Variants in SLC9A8 observed in about 807,000 individuals in gnomAD.
SLC9A8 encodes sodium/hydrogen exchanger 8.
A neutral mutation model predicts 66.6 loss-of-function variants in SLC9A8; 48 were observed. The ratio of observed to expected loss-of-function variants is 0.72; its 90% CI spans 0.57 to 0.92. The LOEUF is 0.92. SLC9A8 is among the 40% of genes least tolerant of loss of function. The pLI is 0.00. For missense variants in SLC9A8, 599 were observed against 747.3 expected, an observed-to-expected ratio of 0.80 and a Z score of 2.31; for synonymous variants, 274 against 282.6, an observed-to-expected ratio of 0.97 and a Z score of 0.31.
chr20:49,869,062 C>G (rs760545686), intron 10 of SLC9A8, among the ~76,000 whole-genome samples: 2 of 152,132 alleles, frequency 1.3e-5, no homozygotes, highest in African/African-American at 2.4e-5. Context: ...ACTAAAGATT[C>G]AAAGATGAAT....
At chr20:49,863,095 G>A in intron 9 of SLC9A8, 28 bp downstream of exon 9, 1 of 1,575,540 alleles carries the variant, frequency 6.3e-7, no homozygotes, top group African/African-American at 1.4e-5. Context: ...TGAACATGCA[G>A]GGTTAAAATT....
intron 3 of SLC9A8, chr20:49,830,560 C>CG: frequency 1.6e-6 from 1 of 618,552 alleles, no homozygotes; most frequent in Non-Finnish European, 2.9e-6. Context: ...GCGTCCAGGT[C>CG]GGGGGGTCGC....
chr20:49,864,313 A>G (rs2088874133), intron 9 of SLC9A8, among the ~76,000 whole-genome samples: 1 of 152,184 alleles, frequency 6.6e-6, no homozygotes, highest in East Asian at 1.9e-4. Context: ...CAAGATGGGT[A>G]GCATTAGTGA....
chr20:49,830,968 C>T lies in SLC9A8; in HGVS notation c.289+7827C>T, dbSNP rs41283582. The T allele has an allele frequency of 6.6e-3, 5,088 of 771,122 alleles. 35 individuals carry two copies. The highest frequency in any genetic ancestry group is 8.3e-3 in the Non-Finnish European group (3,484 of 419,706). The allele number at this position is 771,122 out of a possible 1,614,324, so 47.8% of individuals were successfully genotyped here. On this transcript the variant is annotated intron_variant, in intron 3 of 15. Coordinates refer to ENST00000361573, the MANE Select transcript of SLC9A8 (RefSeq NM_015266.3). The stretch of plus-strand genomic sequence containing the variant: ...ATCTCTGCTTAGCCATTGCGCTGGG[C>T]AATGCGGTCAACTCTCTGACTCCCA...
intron 3 of SLC9A8, among the ~76,000 whole-genome samples, chr20:49,828,395 A>T (rs1034191655): frequency 7.3e-5 from 11 of 150,956 alleles, no homozygotes; most frequent in South Asian, 2.1e-4. Flanking sequence ...TTTTATATAT[A>T]TATTTTTTAG....
At chr20:49,873,771 CA>C (rs35613935) in intron 10 of SLC9A8, among the ~76,000 whole-genome samples, 25,993 of 61,076 alleles carry the variant, frequency 0.43, 2,060 homozygotes, top group Middle Eastern at 0.48. Flanking sequence ...AACTCCGTCT[CA>C]AAAAAAAAAA....
intron 7 of SLC9A8, among the ~76,000 whole-genome samples, chr20:49,853,470 C>T (rs1411860044): frequency 6.6e-6 from 1 of 152,226 alleles, no homozygotes; most frequent in African/African-American, 2.4e-5. Context: ...CATCATCCTC[C>T]TTCCTTCACG....
intron 3 of SLC9A8, among the ~76,000 whole-genome samples, chr20:49,827,400 C>G (rs146963441): frequency 6.0e-5 from 9 of 150,772 alleles, no homozygotes; most frequent in Admixed American, 5.3e-4. Context: ...GTCAAGAGTT[C>G]GAGAACAACC....
At position 49,883,890 on chromosome 20, in the gene SLC9A8, C is replaced by T. The variant is rs745915316; in HGVS notation, c.1315C>T (p.Leu439=). ...CTATGCCCTGAGCCTACACCTGGAC[C>T]TGGAGCCCATGGAGAAGCGGCAGCT... The part of the protein sequence containing the change: ...IPYALSLHLD[L]EPMEKRQLIG... Residue 439 remains leucine, a synonymous_variant, in exon 14 of 16, where the codon CTG becomes TTG. Transcript: ENST00000361573. 6.2e-6 allele frequency: 10 copies of T among 1,610,070 alleles called. No homozygotes were observed. The highest frequency in any genetic ancestry group is 7.6e-6 in the Non-Finnish European group (9 of 1,179,988).
At chr20:49,882,200 C>T (rs926642094) in intron 13 of SLC9A8, among the ~76,000 whole-genome samples, 5 of 152,244 alleles carry the variant, frequency 3.3e-5, no homozygotes, top group Non-Finnish European at 5.9e-5. Context: ...CCTCTTTTGC[C>T]ATGGCCAGAC....
intron 10 of SLC9A8, among the ~76,000 whole-genome samples, chr20:49,870,579 G>A (rs755157551): frequency 3.9e-5 from 6 of 152,188 alleles, no homozygotes; most frequent in Non-Finnish European, 8.8e-5. Flanking sequence ...GCCTGAGAAG[G>A]AGCTGGGTTT....
intron 4 of SLC9A8, 71 bp downstream of exon 4, chr20:49,839,670 T>A: frequency 1.1e-6 from 1 of 902,312 alleles, no homozygotes; most frequent in Non-Finnish European, 1.8e-6. Context: ...TGTAATTACT[T>A]GGCTATCAGT....
At position 49,891,594 on chromosome 20, in the gene SLC9A8, G is replaced by T; in HGVS notation, c.*3658G>T. The stretch of plus-strand genomic sequence containing the variant: ...GAGCTATTTTCTTGCTGTGGCCTCT[G>T]GTGCCCTTGAGTTGGTCTCCCCGGC... On this transcript the variant is annotated 3_prime_UTR_variant, in exon 16 of 16. Coordinates refer to ENST00000361573, the MANE Select transcript of SLC9A8 (RefSeq NM_015266.3). 1 of 152,510 alleles carries T rather than the reference G, an allele frequency of 6.6e-6. No homozygotes were observed. The highest frequency in any genetic ancestry group is 2.1e-4 in the South Asian group (1 of 4,830). 9.4% of individuals were successfully genotyped at this position (152,510 alleles called of 1,614,324 possible).
At chr20:49,852,136 C>A (rs1254431624) in intron 7 of SLC9A8, among the ~76,000 whole-genome samples, 1 of 152,140 alleles carries the variant, frequency 6.6e-6, no homozygotes, top group Non-Finnish European at 1.5e-5. Flanking sequence ...AGCCGCAGGG[C>A]CTGGCAGAGC....
intron 6 of SLC9A8, among the ~76,000 whole-genome samples, chr20:49,850,087 G>A (rs2088183194): frequency 6.6e-6 from 1 of 152,158 alleles, no homozygotes; most frequent in Admixed American, 6.5e-5. Context: ...TCAAAGATGT[G>A]CTTTTCTGCT....
At chr20:49,856,416 G>A (rs1288451034) in intron 8 of SLC9A8, among the ~76,000 whole-genome samples, 1 of 152,174 alleles carries the variant, frequency 6.6e-6, no homozygotes, top group Non-Finnish European at 1.5e-5. Context: ...GCCTTAAGAT[G>A]CTATTGTGTA....
At chr20:49,866,604 T>C (rs1285721393) in intron 10 of SLC9A8, among the ~76,000 whole-genome samples, 1 of 152,214 alleles carries the variant, frequency 6.6e-6, no homozygotes, top group Non-Finnish European at 1.5e-5. Context: ...GTTATTTTTA[T>C]ATTCGCCTTG....
At chr20:49,818,386 C>T (rs1376892403) in intron 2 of SLC9A8, among the ~76,000 whole-genome samples, 2 of 151,928 alleles carry the variant, frequency 1.3e-5, no homozygotes, top group Non-Finnish European at 2.9e-5. Context: ...CATGTATTAC[C>T]AAAACAGAAT....
chr20:49,849,311 G>A (rs969902035), intron 5 of SLC9A8, among the ~76,000 whole-genome samples: 4 of 152,212 alleles, frequency 2.6e-5, no homozygotes, highest in Non-Finnish European at 5.9e-5. Context: ...AAAGACGGGA[G>A]AGTGGAGGGA....
Sources: gnomAD v4.1 joint callset for allele counts (sites outside exome capture counted in the v4.1 genomes callset) on GRCh38, gnomAD v4.1.1 for gene constraint, MANE v1.5 for transcripts, NCBI Gene and HGNC (gene_info 2026-07-23, HGNC 2026-07-21) for gene names.